DMRT3: variants seen among roughly 807,000 people sequenced by gnomAD.
DMRT3 encodes the protein doublesex- and mab-3-related transcription factor 3.
In DMRT3, 29 loss-of-function variants were observed where a neutral mutation model predicts 34.9. The observed-to-expected ratio is 0.83, with a 90% CI of 0.62 to 1.13. DMRT3 has a LOEUF of 1.13. Among genes scored for constraint, DMRT3 ranks in the 50% most tolerant of loss-of-function variants. The probability of loss-of-function intolerance (pLI) is 0.00; values close to 1 mark genes in which losing one functional copy is unlikely to be tolerated. For missense variants in DMRT3, 772 were observed against 629.1 expected, an observed-to-expected ratio of 1.23 and a Z score of -2.43; for synonymous variants, 350 against 286.0, an observed-to-expected ratio of 1.22 and a Z score of -2.26.
In DMRT3 at chr9:990,923, C is replaced by G; in HGVS notation, c.1337C>G (p.Ser446Ter). ...SIPDDGCPFV[S>*]KQSIYTEDDY... The stretch of plus-strand genomic sequence containing the variant: ...CCTGATGATGGGTGTCCATTTGTGT[C>G]AAAGCAGTCCATTTACACCGAGGAC... The change falls in exon 2 of 2, where the codon TCA (serine) becomes TGA (stop). Residue 446 changes from serine to a stop codon, truncating the protein, a stop_gained. Transcript: ENST00000190165. LOFTEE classifies it high-confidence loss of function. The G allele has an allele frequency of 6.2e-7, 1 of 1,614,124 alleles. No individual in the cohort carries two copies. Among genetic ancestry groups the G allele is most frequent in the Non-Finnish European group, 8.5e-7 (1 of 1,180,044 alleles).
Position 976,963 on chromosome 9 carries a change from C to T in DMRT3, c.-39C>T, listed in dbSNP as rs1474323874. ...GCCGTCCAGCGCTCCCTGGCCCTCT[C>T]CCGCAGCCAGGCTGCCAACTCATTC... On this transcript the variant is annotated 5_prime_UTR_variant, in exon 1 of 2. Coordinates refer to ENST00000190165, the MANE Select transcript of DMRT3 (RefSeq NM_021240.4). This position sits in a 1 kb window ranked among gnomAD's most constrained non-coding sequence, Gnocchi z 4.5. 3 of 1,433,824 alleles carry T rather than the reference C, an allele frequency of 2.1e-6. No homozygotes were observed. Among genetic ancestry groups the T allele is most frequent in the East Asian group, 5.3e-5 (2 of 37,534 alleles). The allele number at this position is 1,433,824 out of a possible 1,614,324, so 88.8% of individuals were successfully genotyped here. A position where few individuals can be genotyped will look rare whatever the true frequency, so the allele number is the denominator to read the frequency against.
chr9:982,519 T>A (rs1265329775), intron 1 of DMRT3, among the ~76,000 whole-genome samples: 1 of 152,232 alleles, frequency 6.6e-6, no homozygotes, highest in Admixed American at 6.5e-5. Flanking sequence ...GTGAATCGAA[T>A]CTGATAGCAA....
At chr9:977,850 T>C (rs1426119766) in intron 1 of DMRT3, among the ~76,000 whole-genome samples, 1 of 152,214 alleles carries the variant, frequency 6.6e-6, no homozygotes, top group East Asian at 1.9e-4. Context: ...CTGCAGGCTT[T>C]AGAGGTCCTT....
At chr9:989,523 A>G (rs182453095) in intron 1 of DMRT3, among the ~76,000 whole-genome samples, 35 of 152,342 alleles carry the variant, frequency 2.3e-4, no homozygotes, top group Non-Finnish European at 3.4e-4. Context: ...ATTGGTTCAT[A>G]AGACATATTT....
chr9:983,933 A>G (rs1820251858), intron 1 of DMRT3, among the ~76,000 whole-genome samples: 1 of 147,192 alleles, frequency 6.8e-6, no homozygotes, highest in East Asian at 1.9e-4. Flanking sequence ...TTAACTTTTC[A>G]CAACCCTCCC....
chr9:984,238 C>A (rs552217909), intron 1 of DMRT3, among the ~76,000 whole-genome samples: 90 of 152,270 alleles, frequency 5.9e-4, no homozygotes, highest in African/African-American at 2.0e-3. Flanking sequence ...TTCCCCACAG[C>A]TCAAGTGAAC....
At chr9:988,712 A>C (rs1820314354) in intron 1 of DMRT3, among the ~76,000 whole-genome samples, 1 of 152,184 alleles carries the variant, frequency 6.6e-6, no homozygotes, top group South Asian at 2.1e-4. Flanking sequence ...GTGCCCACAG[A>C]GAAGGCAACA....
intron 1 of DMRT3, among the ~76,000 whole-genome samples, chr9:980,402 G>A (rs1820201861): frequency 6.6e-6 from 1 of 152,046 alleles, no homozygotes; most frequent in Non-Finnish European, 1.5e-5. Flanking sequence ...TAGTTATGAA[G>A]TATTCTTTTT....
At chr9:983,857 C>G (rs574793675) in intron 1 of DMRT3, among the ~76,000 whole-genome samples, 1 of 151,540 alleles carries the variant, frequency 6.6e-6, no homozygotes, top group Non-Finnish European at 1.5e-5. Flanking sequence ...TTCCTTCATA[C>G]GTTATTAATT....
At chr9:985,289 C>G (rs1393321762) in intron 1 of DMRT3, among the ~76,000 whole-genome samples, 1 of 152,126 alleles carries the variant, frequency 6.6e-6, no homozygotes, top group Non-Finnish European at 1.5e-5. Flanking sequence ...ACTTTCTATA[C>G]CCATCTACCG....
At chr9:978,706 G>A (rs1202992065) in intron 1 of DMRT3, among the ~76,000 whole-genome samples, 1 of 152,166 alleles carries the variant, frequency 6.6e-6, no homozygotes, top group Admixed American at 6.5e-5. Context: ...CTGTCTTTCC[G>A]CCATGCTTTC....
intron 1 of DMRT3, among the ~76,000 whole-genome samples, chr9:982,395 G>C (rs139323265): frequency 0.011 from 1,730 of 152,278 alleles, 14 homozygotes; most frequent in Admixed American, 0.024. Context: ...ATCACTCCTT[G>C]GTGTTATAAA....
chr9:989,986 C>A, intron 1 of DMRT3, 55 bp from the exon 2 acceptor site: 1 of 1,593,016 alleles, frequency 6.3e-7, no homozygotes, highest in Non-Finnish European at 8.5e-7. Context: ...CTGAGCACAT[C>A]TGCTCCTCTT....
intron 1 of DMRT3, among the ~76,000 whole-genome samples, chr9:979,252 G>C (rs1820187585): frequency 6.6e-6 from 1 of 152,204 alleles, no homozygotes; most frequent in African/African-American, 2.4e-5. Flanking sequence ...AACCCCAGGA[G>C]GAGGAGGAGT....
rs755289894 is a variant in DMRT3, at chr9:990,405, C to G, written c.819C>G (p.Gly273=). 3.1e-6 allele frequency: 5 copies of G among 1,613,972 alleles called. No homozygotes were observed. The South Asian group carries it at 5.5e-5, about 18-fold the overall frequency. Residue 273 remains glycine (G), a synonymous_variant, in exon 2 of 2, where the codon GGC becomes GGG. Coordinates refer to ENST00000190165, the MANE Select transcript of DMRT3 (RefSeq NM_021240.4). ...KPTVLELILK[G]CGGDLVSAVE... is the part of the protein sequence containing the mutation. ...CGGTGCTTGAGCTCATCCTCAAGGG[C>G]TGTGGCGGGGACCTGGTGAGCGCCG...
intron 1 of DMRT3, among the ~76,000 whole-genome samples, chr9:982,836 G>A (rs940163920): frequency 5.9e-5 from 9 of 151,942 alleles, no homozygotes; most frequent in African/African-American, 1.5e-4. Context: ...TTTCTTCCTC[G>A]CCTCTTGCTT....
Position 991,210 on chromosome 9 carries a change from C to A in DMRT3, c.*205C>A. 1.7e-6 allele frequency: 1 copy of A among 579,756 alleles called. No individual in the cohort carries two copies. The highest frequency in any genetic ancestry group is 2.9e-6 in the Non-Finnish European group (1 of 345,110). The allele number at this position is 579,756 out of a possible 1,614,324, so 35.9% of individuals were successfully genotyped here. On this transcript the variant is annotated 3_prime_UTR_variant, in exon 2 of 2. Transcript: ENST00000190165. The stretch of plus-strand genomic sequence containing the variant: ...AATGCCAAATAGCTCTGTTCTGTGG[C>A]TTTAGTGCTGAATGTTTATTGTAAA...
intron 1 of DMRT3, among the ~76,000 whole-genome samples, chr9:978,756 G>A (rs1820181785): frequency 6.6e-6 from 1 of 152,188 alleles, no homozygotes; most frequent in Non-Finnish European, 1.5e-5. Context: ...TGACAGTAGA[G>A]CTGGGAATTT....
intron 1 of DMRT3, among the ~76,000 whole-genome samples, chr9:983,343 C>T (rs1159641071): frequency 3.3e-5 from 5 of 152,172 alleles, no homozygotes; most frequent in South Asian, 2.1e-4. Context: ...CAGTATATAT[C>T]TCTAGCACCC....
Sources: allele counts gnomAD v4.1 joint callset (sites outside exome capture counted in the v4.1 genomes callset), GRCh38; gene constraint gnomAD v4.1.1; non-coding constraint Gnocchi (gnomAD v3.1); transcripts MANE v1.5; gene names NCBI Gene and HGNC (gene_info 2026-07-23, HGNC 2026-07-21).